The following TRPC7 variants were observed in gnomAD, a reference collection of about 807,000 sequenced individuals.
TRPC7 encodes the protein short transient receptor potential channel 7.
In TRPC7, 42 loss-of-function variants were observed where a neutral mutation model predicts 90.1. The ratio of observed to expected loss-of-function variants is 0.47; its 90% confidence interval spans 0.36 to 0.60. TRPC7 has a LOEUF of 0.60. Ranked by LOEUF, TRPC7 falls within the 20% of genes least tolerant of loss-of-function variation. The probability of loss-of-function intolerance (pLI) is 0.00; values close to 1 mark genes in which losing one functional copy is unlikely to be tolerated. For synonymous variants in TRPC7, 451 were observed against 436.3 expected (o/e 1.03, Z -0.42); for missense variants, 955 against 1,112.3 (o/e 0.86, Z 2.01).
intron 2 of TRPC7, among the ~76,000 whole-genome samples, chr5:136,355,725 G>A (rs1760348096): frequency 6.6e-6 from 1 of 152,200 alleles, no homozygotes; most frequent in East Asian, 1.9e-4. Flanking sequence ...ATGAACCCAG[G>A]AGGCAGAGCT....
At chr5:136,232,686 C>T (rs886437245) in intron 7 of TRPC7, among the ~76,000 whole-genome samples, 11 of 152,186 alleles carry the variant, frequency 7.2e-5, no homozygotes, top group African/African-American at 1.2e-4. Context: ...AAGTGCATTT[C>T]GTAGTCCATA....
At chr5:136,293,051 T>C (rs976377409) in intron 3 of TRPC7, among the ~76,000 whole-genome samples, 1 of 152,200 alleles carries the variant, frequency 6.6e-6, no homozygotes, top group African/African-American at 2.4e-5. Context: ...AACCACATGA[T>C]TATCTCAATA....
chr5:136,236,423 T>C (rs997308096), intron 7 of TRPC7, among the ~76,000 whole-genome samples: 48 of 152,244 alleles, frequency 3.2e-4, no homozygotes, highest in Non-Finnish European at 5.6e-4. Context: ...GCAAATACTC[T>C]TTCTGATTAT....
chr5:136,246,941 A>G (rs1756359586), intron 7 of TRPC7, among the ~76,000 whole-genome samples: 2 of 152,210 alleles, frequency 1.3e-5, no homozygotes, highest in South Asian at 4.1e-4. Context: ...CCTTGGCCCC[A>G]AGAATACTCG....
chr5:136,313,108 C>T (rs780922997), intron 3 of TRPC7, among the ~76,000 whole-genome samples: 6 of 151,122 alleles, frequency 4.0e-5, no homozygotes, highest in Non-Finnish European at 5.9e-5. Context: ...TAAGCCACTG[C>T]GTGATGCATA....
intron 5 of TRPC7, among the ~76,000 whole-genome samples, chr5:136,256,873 T>C (rs546147367): frequency 9.2e-5 from 14 of 152,362 alleles, no homozygotes; most frequent in African/African-American, 3.1e-4. Flanking sequence ...TGCTTGTGTT[T>C]CTTCCTTTCT....
rs1325296446 is a variant in TRPC7 at position 136,251,881 on chromosome 5, T to G, written c.1347A>C (p.Gly449=). 6.2e-7 allele frequency: 1 copy of G among 1,612,810 alleles called. No individual in the cohort carries two copies. Among genetic ancestry groups the G allele is most frequent in the South Asian group, 1.1e-5 (1 of 91,044 alleles). Residue 449 remains glycine (G), a splice_region_variant and synonymous_variant, in exon 6 of 12, where the codon GGA becomes GGC. Transcript: ENST00000513104. ...TEMLIMKWVL[G]MIWSECKEIW... ...TTTCCTTGCATTCGGACCAAATCAT[T>G]CCTGTGGGAGAAGGAGAAGGCCAGG... is the stretch of plus-strand genomic sequence containing the variant.
chr5:136,299,296 G>T (rs1038499319), intron 3 of TRPC7, among the ~76,000 whole-genome samples: 15 of 136,250 alleles, frequency 1.1e-4, no homozygotes, highest in African/African-American at 3.6e-4. Flanking sequence ...GCAAAATTCT[G>T]TCTCAAAAAA....
At chr5:136,356,328 C>T (rs1760373631) in intron 2 of TRPC7, among the ~76,000 whole-genome samples, 1 of 152,248 alleles carries the variant, frequency 6.6e-6, no homozygotes, top group Non-Finnish European at 1.5e-5. Context: ...AGAACCACAA[C>T]ATAATCCTGC....
At chr5:136,321,442 G>A (rs933578370) in intron 2 of TRPC7, among the ~76,000 whole-genome samples, 4 of 152,154 alleles carry the variant, frequency 2.6e-5, no homozygotes, top group Non-Finnish European at 5.9e-5. Flanking sequence ...AGTGGAGAAA[G>A]CCATTTAACT....
chr5:136,241,097 G>T (rs560832225), intron 7 of TRPC7, among the ~76,000 whole-genome samples: 1 of 152,136 alleles, frequency 6.6e-6, no homozygotes, highest in East Asian at 1.9e-4. Context: ...GACAAGTTGG[G>T]TGGGGCTGAA....
intron 2 of TRPC7, among the ~76,000 whole-genome samples, chr5:136,353,486 C>T (rs1306972549): frequency 6.6e-6 from 1 of 152,120 alleles, no homozygotes; most frequent in East Asian, 1.9e-4. Context: ...AACGTGTGGT[C>T]CCTTGAAAGC....
In TRPC7 at chr5:136,242,035, C is replaced by T. The variant is rs75613881; in HGVS notation, c.1844+5436G>A. ...CATTTCAGCAAAGTTGGCTATAAAA[C>T]GAACCTCCAAAAGCAAATCCTATTT... On this transcript the variant is annotated intron_variant, in intron 7 of 11. Transcript: ENST00000513104. Among the ~76,000 whole-genome samples the T allele has an allele frequency of 6.6e-5, 10 of 152,320 alleles. No individual in the cohort carries two copies. The East Asian group carries it at 1.2e-3, about 18-fold the overall frequency.
At chr5:136,292,807 A>G (rs910160432) in intron 3 of TRPC7, among the ~76,000 whole-genome samples, 2 of 152,182 alleles carry the variant, frequency 1.3e-5, no homozygotes. Flanking sequence ...GGCCAGCATC[A>G]TCCTGATACC....
chr5:136,328,093 C>T (rs1278347347), intron 2 of TRPC7, among the ~76,000 whole-genome samples: 1 of 152,162 alleles, frequency 6.6e-6, no homozygotes, highest in African/African-American at 2.4e-5. Context: ...TCCAAAGGAT[C>T]AAGGCAAGTA....
rs541725670 is a variant in TRPC7 at position 136,346,664 on chromosome 5, G to T, written c.780+9944C>A. 4.6e-5 allele frequency among the ~76,000 whole-genome samples: 7 copies of T among 152,202 alleles called. No homozygotes were observed. The South Asian group carries it at 1.2e-3, about 27-fold the overall frequency. On this transcript the variant is annotated intron_variant, in intron 2 of 11. Transcript: ENST00000513104. ...AATTAATAACCTCCGGTTTTCTCCG[G>T]ACTGACCTCTTAGTTAGGATTATCT...
chr5:136,342,394 C>A (rs531912104), intron 2 of TRPC7, among the ~76,000 whole-genome samples: 2 of 152,156 alleles, frequency 1.3e-5, no homozygotes, highest in African/African-American at 4.8e-5. Flanking sequence ...TCTTGAAAAA[C>A]GAGGAGTGTT....
At chr5:136,327,013 T>C (rs930749161) in intron 2 of TRPC7, among the ~76,000 whole-genome samples, 5 of 152,020 alleles carry the variant, frequency 3.3e-5, no homozygotes, top group Non-Finnish European at 7.4e-5. Context: ...GTGCAATGCT[T>C]AGATAATGGA....
chr5:136,332,843 T>C (rs941524320), intron 2 of TRPC7, among the ~76,000 whole-genome samples: 2 of 152,208 alleles, frequency 1.3e-5, no homozygotes, highest in Non-Finnish European at 2.9e-5. Flanking sequence ...GATGTTGGGT[T>C]TGGTCATAGG....
Sources: allele counts gnomAD v4.1 joint callset (sites outside exome capture counted in the v4.1 genomes callset), GRCh38; gene constraint gnomAD v4.1.1; transcripts MANE v1.5; gene names NCBI Gene and HGNC (gene_info 2026-07-23, HGNC 2026-07-21).